The following KIF6 variants were observed in gnomAD, a reference collection of about 807,000 sequenced individuals.
KIF6 encodes kinesin family member 6.
Under a neutral mutation model 112.7 loss-of-function variants are expected in KIF6, and 106 were observed. That is an observed-to-expected ratio of 0.94 (90% CI 0.80 to 1.11). The LOEUF is 1.11. Ranked by LOEUF, KIF6 falls within the 50% of genes least tolerant of loss-of-function variation. KIF6 has a pLI of 0.00. For synonymous variants in KIF6, 339 were observed against 339.9 expected, an observed-to-expected ratio of 1.00 and a Z score of 0.03; for missense variants, 929 against 964.0, an observed-to-expected ratio of 0.96 and a Z score of 0.48.
intron 3 of KIF6, among the ~76,000 whole-genome samples, chr6:39,706,286 T>C (rs1362337493): frequency 6.6e-6 from 1 of 152,182 alleles, no homozygotes; most frequent in East Asian, 1.9e-4. Flanking sequence ...GAAACCGAGA[T>C]TTAGGCTCAC....
chr6:39,396,945 C>T (rs148266815), intron 15 of KIF6, among the ~76,000 whole-genome samples: 3 of 152,274 alleles, frequency 2.0e-5, no homozygotes, highest in East Asian at 1.9e-4. Flanking sequence ...CCCCTGTTCC[C>T]TTTTAGAAAA....
At chr6:39,432,705 G>A (rs1771248040) in intron 13 of KIF6, among the ~76,000 whole-genome samples, 1 of 152,162 alleles carries the variant, frequency 6.6e-6, no homozygotes, top group Non-Finnish European at 1.5e-5. Flanking sequence ...GAGACATTGA[G>A]GGGCACGTTT....
At chr6:39,431,804 C>A (rs971331171) in intron 13 of KIF6, among the ~76,000 whole-genome samples, 1 of 152,118 alleles carries the variant, frequency 6.6e-6, no homozygotes, top group Non-Finnish European at 1.5e-5. Flanking sequence ...GGGCGCTGTT[C>A]AGAGTTCAAC....
At chr6:39,394,884 G>A (rs1343815641) in intron 15 of KIF6, among the ~76,000 whole-genome samples, 1 of 152,136 alleles carries the variant, frequency 6.6e-6, no homozygotes, top group Non-Finnish European at 1.5e-5. Context: ...AAACATCACC[G>A]GAACTTGTCT....
At position 39,703,077 on chromosome 6, in the gene KIF6, C is replaced by CG. The variant is rs1433235194; in HGVS notation, c.251+11614_251+11615insC. 5.2e-3 allele frequency among the ~76,000 whole-genome samples: 194 copies of CG among 37,404 alleles called. 7 individuals carry two copies. The East Asian group carries it at 0.056, about 11-fold the overall frequency. 24.5% of individuals were successfully genotyped at this position (37,404 alleles called of 152,430 possible). ...GGCCACCAAGACAAAATCCACCAACCCCCCACCCCCACTCCCGGCCACCAA... is the reference window on the plus strand; with the variant it reads ...GGCCACCAAGACAAAATCCACCAACCGCCCCACCCCCACTCCCGGCCACCAA... On this transcript the variant is annotated intron_variant, in intron 3 of 22. Coordinates refer to ENST00000287152, the MANE Select transcript of KIF6 (RefSeq NM_145027.6).
chr6:39,590,451 A>ATTTTT (rs58169713), intron 7 of KIF6, among the ~76,000 whole-genome samples: 77 of 84,742 alleles, frequency 9.1e-4, no homozygotes, highest in African/African-American at 1.9e-3. Flanking sequence ...ATATATATAT[A>ATTTTT]TTTTTTTTTT....
chr6:39,492,880 T>C (rs1321244560), intron 13 of KIF6, among the ~76,000 whole-genome samples: 3 of 152,178 alleles, frequency 2.0e-5, no homozygotes, highest in Non-Finnish European at 4.4e-5. Context: ...AAAAATATAG[T>C]CAAAAAGCAC....
intron 5 of KIF6, 60 bp from the exon 6 acceptor site, chr6:39,613,378 T>G (rs1249805865): frequency 1.4e-6 from 2 of 1,407,406 alleles, no homozygotes; most frequent in Non-Finnish European, 1.9e-6. Context: ...ACTTGAAGTC[T>G]TCCCTACAGG....
intron 10 of KIF6, among the ~76,000 whole-genome samples, chr6:39,572,494 A>G (rs1438845677): frequency 2.6e-5 from 4 of 152,098 alleles, no homozygotes; most frequent in Non-Finnish European, 1.5e-5. Context: ...TTTCTGTTAG[A>G]AAAGGATCCA....
chr6:39,560,412 G>C (rs1311554008), intron 10 of KIF6, among the ~76,000 whole-genome samples: 3 of 152,206 alleles, frequency 2.0e-5, no homozygotes, highest in Admixed American at 6.5e-5. Flanking sequence ...AATCCAACTT[G>C]ATAGAAATCT....
intron 4 of KIF6, among the ~76,000 whole-genome samples, chr6:39,636,537 G>A (rs967620893): frequency 6.6e-6 from 1 of 151,950 alleles, no homozygotes; most frequent in Admixed American, 6.6e-5. Context: ...ACTTGGCTTA[G>A]CACAGGTGTC....
chr6:39,668,393 A>G (rs1288942445), intron 3 of KIF6, among the ~76,000 whole-genome samples: 2 of 152,178 alleles, frequency 1.3e-5, no homozygotes, highest in South Asian at 2.1e-4. Flanking sequence ...CACTGACTCA[A>G]TTCAACAAAA....
chr6:39,657,855 T>C (rs1450806727), intron 3 of KIF6, among the ~76,000 whole-genome samples: 3 of 152,212 alleles, frequency 2.0e-5, no homozygotes, highest in Admixed American at 6.5e-5. Context: ...TTCTTTCATA[T>C]TGAAGACCAC....
chr6:39,475,538 A>G (rs1343201302), intron 13 of KIF6, among the ~76,000 whole-genome samples: 1 of 152,212 alleles, frequency 6.6e-6, no homozygotes, highest in East Asian at 1.9e-4. Context: ...GTCATACAGA[A>G]TCTGAAATCA....
chr6:39,654,160 C>G (rs1561901288), intron 3 of KIF6, among the ~76,000 whole-genome samples: 1 of 152,118 alleles, frequency 6.6e-6, no homozygotes, highest in Non-Finnish European at 1.5e-5. Context: ...GTGGGGAAGA[C>G]AGTCAGTCAT....
At chr6:39,365,629 C>G (rs186391737) in intron 16 of KIF6, among the ~76,000 whole-genome samples, 1 of 152,214 alleles carries the variant, frequency 6.6e-6, no homozygotes, top group African/African-American at 2.4e-5. Flanking sequence ...CAAACAATTC[C>G]TTTTTAAAAA....
At chr6:39,702,225 G>A (rs149108544) in intron 3 of KIF6, among the ~76,000 whole-genome samples, 1 of 152,066 alleles carries the variant, frequency 6.6e-6, no homozygotes, top group Non-Finnish European at 1.5e-5. Flanking sequence ...TCTGTTCCTG[G>A]TAATAGCCTG....
At chr6:39,402,204 C>T (rs1768757953) in intron 15 of KIF6, among the ~76,000 whole-genome samples, 1 of 152,006 alleles carries the variant, frequency 6.6e-6, no homozygotes, top group Non-Finnish European at 1.5e-5. Context: ...CTACTTGGGG[C>T]AATGGAAAAG....
At chr6:39,555,953 CAA>C (rs35420944) in intron 10 of KIF6, among the ~76,000 whole-genome samples, 4 of 77,688 alleles carry the variant, frequency 5.1e-5, no homozygotes, top group Non-Finnish European at 7.5e-5. Flanking sequence ...GACGCTGTCT[CAA>C]AAAAAAAAAA....
Sources: allele counts gnomAD v4.1 joint callset (sites outside exome capture counted in the v4.1 genomes callset), GRCh38; gene constraint gnomAD v4.1.1; transcripts MANE v1.5; gene names NCBI Gene and HGNC (gene_info 2026-07-23, HGNC 2026-07-21).